Variants in PHTF2 observed in about 807,000 individuals in gnomAD.
PHTF2 encodes protein PHTF2.
In PHTF2, 60 loss-of-function variants were observed where a neutral mutation model predicts 101.2. The ratio of observed to expected loss-of-function variants is 0.59; its 90% CI spans 0.48 to 0.73. The LOEUF (loss-of-function observed/expected upper bound fraction) is 0.73, where lower values mean the gene tolerates loss of function less well. PHTF2 is among the 30% of genes least tolerant of loss of function. The pLI is 0.00. For missense variants in PHTF2, 747 were observed against 908.7 expected (o/e 0.82, Z 2.29); for synonymous variants, 311 against 307.3 (o/e 1.01, Z -0.13).
chr7:77,942,619 T>C (rs1390951966), intron 15 of PHTF2, 81 bp from the exon 15 acceptor site: 1 of 763,532 alleles, frequency 1.3e-6, no homozygotes, highest in African/African-American at 1.8e-5. Flanking sequence ...AACACCTTTA[T>C]TGAAACCATG....
chr7:77,822,334 C>T (rs1794356623), intron 1 of PHTF2, among the ~76,000 whole-genome samples: 1 of 152,096 alleles, frequency 6.6e-6, no homozygotes, highest in African/African-American at 2.4e-5. Flanking sequence ...AAGATGGAGC[C>T]CCAGTGCTAG....
intron 10 of PHTF2, among the ~76,000 whole-genome samples, chr7:77,922,017 C>CTTTTTTTTTT (rs35763664): frequency 3.1e-5 from 3 of 95,266 alleles, no homozygotes; most frequent in African/African-American, 4.5e-5. Flanking sequence ...GTTTATATTC[C>CTTTTTTTTTT]TTTTTTTTTT....
At chr7:77,876,829 T>G (rs1258832941) in intron 3 of PHTF2, among the ~76,000 whole-genome samples, 2 of 152,330 alleles carry the variant, frequency 1.3e-5, no homozygotes, top group East Asian at 3.9e-4. Flanking sequence ...TCACTGTGAT[T>G]GCACCACTGC....
At chr7:77,955,223 A>G (rs895701379) in exon 20 of PHTF2, 1 of 162,706 alleles carries the variant, frequency 6.1e-6, no homozygotes, top group Admixed American at 6.4e-5. Context: ...TTTCTCCATC[A>G]ATGCCGTGAA....
intron 11 of PHTF2, among the ~76,000 whole-genome samples, chr7:77,926,633 A>G (rs912067598): frequency 2.0e-5 from 3 of 152,154 alleles, no homozygotes; most frequent in African/African-American, 7.2e-5. Flanking sequence ...TAGATTTACA[A>G]TCTATTTGAG....
chr7:77,805,433 T>A (rs1318149548), intron 1 of PHTF2, among the ~76,000 whole-genome samples: 4 of 152,236 alleles, frequency 2.6e-5, no homozygotes, highest in Non-Finnish European at 5.9e-5. Flanking sequence ...ATTATTTTTG[T>A]TTCTACTGTT....
chr7:77,936,313 A>G (rs943344135), intron 12 of PHTF2, among the ~76,000 whole-genome samples: 1 of 152,170 alleles, frequency 6.6e-6, no homozygotes, highest in African/African-American at 2.4e-5. Flanking sequence ...TCATTGTTAG[A>G]AGTTATATTT....
intron 12 of PHTF2, among the ~76,000 whole-genome samples, chr7:77,935,488 G>A (rs1805040526): frequency 6.6e-6 from 1 of 152,118 alleles, no homozygotes; most frequent in East Asian, 1.9e-4. Context: ...GCCTCCCAAA[G>A]TGCTGGGATT....
At chr7:77,884,548 T>A (rs1174996571) in intron 3 of PHTF2, among the ~76,000 whole-genome samples, 3 of 152,172 alleles carry the variant, frequency 2.0e-5, no homozygotes, top group Non-Finnish European at 2.9e-5. Flanking sequence ...TTTATTTTTT[T>A]AAAAAGACTC....
chr7:77,849,263 A>T (rs1481137970), intron 2 of PHTF2, among the ~76,000 whole-genome samples: 3 of 151,762 alleles, frequency 2.0e-5, no homozygotes, highest in African/African-American at 7.3e-5. Flanking sequence ...AGCTGGGATT[A>T]CAGGCATGCG....
intron 1 of PHTF2, among the ~76,000 whole-genome samples, chr7:77,801,101 A>G (rs1792508412): frequency 6.6e-6 from 1 of 152,258 alleles, no homozygotes; most frequent in Non-Finnish European, 1.5e-5. Flanking sequence ...TTTGCTGAAG[A>G]TAAAGGGATG....
intron 12 of PHTF2, 130 bp downstream of exon 11, chr7:77,929,457 T>C: frequency 1.7e-6 from 1 of 591,354 alleles, no homozygotes; most frequent in South Asian, 2.3e-5. Flanking sequence ...TCTTTTTATG[T>C]GAGCTGTGGT....
intron 1 of PHTF2, among the ~76,000 whole-genome samples, chr7:77,835,388 AAC>A: frequency 6.6e-6 from 1 of 152,184 alleles, no homozygotes; most frequent in Non-Finnish European, 1.5e-5. Context: ...GAATAATAAT[AAC>A]ACACGCAAAG....
At chr7:77,918,891 T>C (rs1803184558) in intron 9 of PHTF2, among the ~76,000 whole-genome samples, 1 of 152,202 alleles carries the variant, frequency 6.6e-6, no homozygotes, top group Non-Finnish European at 1.5e-5. Context: ...TAAAAAGCAC[T>C]GGAGCTCTGT....
At chr7:77,919,944 A>G (rs980108748) in intron 9 of PHTF2, among the ~76,000 whole-genome samples, 1 of 152,178 alleles carries the variant, frequency 6.6e-6, no homozygotes, top group African/African-American at 2.4e-5. Flanking sequence ...TAAAACTTCA[A>G]AATATATTTT....
intron 7 of PHTF2, among the ~76,000 whole-genome samples, chr7:77,905,042 T>A (rs1801731806): frequency 1.3e-5 from 2 of 152,164 alleles, no homozygotes; most frequent in Non-Finnish European, 1.5e-5. Context: ...TAGTGTATTT[T>A]ATGTGTGGCC....
intron 1 of PHTF2, among the ~76,000 whole-genome samples, chr7:77,811,892 G>C (rs1177295180): frequency 6.6e-6 from 1 of 152,118 alleles, no homozygotes; most frequent in Non-Finnish European, 1.5e-5. Flanking sequence ...TATATATGTG[G>C]TGGGTGTGTG....
intron 18 of PHTF2, among the ~76,000 whole-genome samples, chr7:77,952,527 A>C (rs1806641919): frequency 6.6e-6 from 1 of 152,210 alleles, no homozygotes; most frequent in African/African-American, 2.4e-5. Flanking sequence ...GAGGAAGATG[A>C]TGACATTTAA....
chr7:77,947,482 G>C (rs1286235777), intron 16 of PHTF2, among the ~76,000 whole-genome samples: 1 of 151,776 alleles, frequency 6.6e-6, no homozygotes, highest in African/African-American at 2.4e-5. Flanking sequence ...AGAACCACTT[G>C]AACTCGGGAG....
Sources: allele counts gnomAD v4.1 joint callset (sites outside exome capture counted in the v4.1 genomes callset), GRCh38; gene constraint gnomAD v4.1.1; transcripts MANE v1.5; gene names NCBI Gene and HGNC (gene_info 2026-07-23, HGNC 2026-07-21).